CYP3A43: variants seen among roughly 807,000 people sequenced by gnomAD.
CYP3A43 encodes the protein cytochrome P450 family 3 subfamily A member 43.
Under a neutral mutation model 58.0 loss-of-function variants are expected in CYP3A43, and 45 were observed. The ratio of observed to expected loss-of-function variants is 0.78; its 90% confidence interval spans 0.61 to 0.99. CYP3A43 has a LOEUF of 0.99. Ranked by LOEUF, CYP3A43 falls within the 50% of genes least tolerant of loss-of-function variation. The pLI, the probability that CYP3A43 is intolerant of heterozygous loss-of-function variation, is 0.00. For synonymous variants in CYP3A43, 191 were observed against 201.4 expected (o/e 0.95, Z 0.44); for missense variants, 593 against 591.9 (o/e 1.00, Z -0.02).
At chr7:99,848,412 A>T (rs1817621410) in intron 6 of CYP3A43, among the ~76,000 whole-genome samples, 158 bp downstream of exon 6, 1 of 152,244 alleles carries the variant, frequency 6.6e-6, no homozygotes, top group African/African-American at 2.4e-5. Context: ...TGTTGCTCAC[A>T]AAAGAAAGCT....
intron 1 of CYP3A43, among the ~76,000 whole-genome samples, chr7:99,828,409 A>AAC (rs1373088399): frequency 6.6e-6 from 1 of 152,160 alleles, no homozygotes; most frequent in Non-Finnish European, 1.5e-5. Flanking sequence ...CACACCTGTA[A>AAC]TCTCAGCACT....
intron 3 of CYP3A43, chr7:99,839,376 T>C: frequency 1.4e-6 from 1 of 718,040 alleles, no homozygotes; most frequent in Non-Finnish European, 2.5e-6. Flanking sequence ...GGAAACTCCA[T>C]GCATATTCAG....
intron 4 of CYP3A43, among the ~76,000 whole-genome samples, chr7:99,847,191 A>G (rs1466205744): frequency 6.6e-6 from 1 of 152,080 alleles, no homozygotes; most frequent in African/African-American, 2.4e-5. Context: ...GTTCCCATCT[A>G]TTCTACTGGA....
intron 12 of CYP3A43, among the ~76,000 whole-genome samples, chr7:99,864,426 T>C (rs1356126096): frequency 6.7e-6 from 1 of 148,578 alleles, no homozygotes; most frequent in Non-Finnish European, 1.5e-5. Context: ...TCCTTCTCAT[T>C]ATGTTCCTAT....
chr7:99,853,637 A>G (rs1456040963), intron 7 of CYP3A43, among the ~76,000 whole-genome samples: 4 of 152,028 alleles, frequency 2.6e-5, no homozygotes, highest in Non-Finnish European at 4.4e-5. Flanking sequence ...GCTCACTGCA[A>G]CCTCCACCTC....
At chr7:99,844,312 G>T (rs1817459471) in intron 4 of CYP3A43, 70 bp downstream of exon 4, 32 of 1,484,268 alleles carry the variant, frequency 2.2e-5, no homozygotes, top group Non-Finnish European at 2.9e-5. Context: ...ATGGAAACTT[G>T]CCCAGAAAAT....
At chr7:99,863,999 G>T (rs1818349210) in intron 12 of CYP3A43, among the ~76,000 whole-genome samples, 1 of 148,556 alleles carries the variant, frequency 6.7e-6, no homozygotes, top group Admixed American at 6.6e-5. Context: ...TAAAGATGAG[G>T]AAGTCTTTTG....
At chr7:99,848,096 T>C in intron 5 of CYP3A43, 70 bp from the exon 6 acceptor site, 1 of 1,475,070 alleles carries the variant, frequency 6.8e-7, no homozygotes, top group South Asian at 1.2e-5. Context: ...TACTGTTCCA[T>C]GCTGGGCAAA....
Position 99,861,806 on chromosome 7 carries a change from A to T in CYP3A43, c.1220A>T (p.Tyr407Phe). The change falls in exon 11 of 13, where the codon TAC becomes TTC. Residue 407 changes from tyrosine (Y) to phenylalanine (F), a missense_variant. Coordinates refer to ENST00000354829, the MANE Select transcript of CYP3A43 (RefSeq NM_057095.3). The part of the protein sequence containing the change: ...PIYALHHDPK[Y>F]WTEPEKFCPE... Reference sequence around the variant, plus strand: ...TATGCTCTTCACCATGACCCAAAGTACTGGACAGAGCCTGAGAAGTTCTGC... The same window carrying T: ...TATGCTCTTCACCATGACCCAAAGTTCTGGACAGAGCCTGAGAAGTTCTGC... 1 of 1,614,178 alleles carries T rather than the reference A, an allele frequency of 6.2e-7. No homozygotes were observed. The highest frequency in any genetic ancestry group is 8.5e-7 in the Non-Finnish European group (1 of 1,179,988).
At chr7:99,856,791 CA>C (rs1200231146) in intron 8 of CYP3A43, 41 bp from the exon 9 acceptor site, 1 of 1,606,746 alleles carries the variant, frequency 6.2e-7, no homozygotes, top group African/African-American at 1.3e-5. Flanking sequence ...TCTGACTTCA[CA>C]AGTGACTTTC....
At position 99,856,817 on chromosome 7, in the gene CYP3A43, CT is replaced by C. The variant is rs1483954080; in HGVS notation, c.799-15del. ...AAGTGACTTTCTGTCATTAAAATTT[CT>C]CTTTTTGCTTCCAGCATCGAGTAGA... is the stretch of plus-strand genomic sequence containing the variant. On this transcript the variant is annotated splice_polypyrimidine_tract_variant and intron_variant, in intron 8 of 12. Transcript: ENST00000354829. The C allele has an allele frequency of 3.7e-6, 6 of 1,613,854 alleles. No homozygotes were observed. The highest frequency in any genetic ancestry group is 5.1e-6 in the Non-Finnish European group (6 of 1,179,928).
chr7:99,866,042 C>A lies in CYP3A43; in HGVS notation c.*41C>A. 1 of 1,289,408 alleles carries A rather than the reference C, an allele frequency of 7.8e-7. No individual in the cohort carries two copies. 79.9% of individuals were successfully genotyped at this position (1,289,408 alleles called of 1,614,324 possible). ...TCCACTTTGTTCAAGAAAGCTGTATCCCAGAACACTAGACACTTCAAATTG... is the reference window on the plus strand; with the variant it reads ...TCCACTTTGTTCAAGAAAGCTGTATACCAGAACACTAGACACTTCAAATTG... On this transcript the variant is annotated 3_prime_UTR_variant, in exon 13 of 13. Coordinates refer to ENST00000354829, the MANE Select transcript of CYP3A43 (RefSeq NM_057095.3).
At chr7:99,838,851 G>A (rs944373580) in intron 2 of CYP3A43, 1 of 538,014 alleles carries the variant, frequency 1.9e-6, no homozygotes, top group Non-Finnish European at 3.1e-6. Flanking sequence ...GTGGTGGCGG[G>A]CCCCCATAAT....
In CYP3A43 at chr7:99,828,540, A is replaced by G. The variant is rs191730217; in HGVS notation, c.71+354A>G. 9.9e-5 allele frequency among the ~76,000 whole-genome samples: 15 copies of G among 152,272 alleles called. No individual in the cohort carries two copies. The East Asian group carries it at 2.9e-3, about 29-fold the overall frequency. On this transcript the variant is annotated intron_variant, in intron 1 of 12. Transcript: ENST00000354829. ...GTCAGGCATGGTGGCACACACCTGT[A>G]ATCCCAGCTACTTGGGAGGCTGAGG... is the stretch of plus-strand genomic sequence containing the variant.
intron 3 of CYP3A43, 95 bp downstream of exon 3, chr7:99,839,267 T>G: frequency 6.9e-7 from 1 of 1,456,798 alleles, no homozygotes; most frequent in Non-Finnish European, 9.6e-7. Context: ...TTTGTTTGGA[T>G]AATGCTATTG....
Position 99,866,051 on chromosome 7 carries a change from C to A in CYP3A43, c.*50C>A. The A allele has an allele frequency of 8.7e-7, 1 of 1,145,248 alleles. No homozygotes were observed. The highest frequency in any genetic ancestry group is 1.3e-6 in the Non-Finnish European group (1 of 794,608). 70.9% of individuals were successfully genotyped at this position (1,145,248 alleles called of 1,614,324 possible). A position where few individuals can be genotyped will look rare whatever the true frequency, so the allele number is the denominator to read the frequency against. ...TTCAAGAAAGCTGTATCCCAGAACACTAGACACTTCAAATTGTTTTGTGAA... is the reference window on the plus strand; with the variant it reads ...TTCAAGAAAGCTGTATCCCAGAACAATAGACACTTCAAATTGTTTTGTGAA... On this transcript the variant is annotated 3_prime_UTR_variant, in exon 13 of 13. Coordinates refer to ENST00000354829, the MANE Select transcript of CYP3A43 (RefSeq NM_057095.3).
chr7:99,842,891 A>G lies in CYP3A43; in HGVS notation c.219-1252A>G, dbSNP rs557050691. 6.6e-5 allele frequency among the ~76,000 whole-genome samples: 10 copies of G among 152,230 alleles called. No homozygotes were observed. In the East Asian group the frequency reaches 1.9e-3, roughly 29 times the overall value. On this transcript the variant is annotated intron_variant, in intron 3 of 12. Transcript: ENST00000354829. ...TAGTATACATATCCTCCTTCCCCCCATGAACCAGCCCTTAAAACCAAGTTC... is the reference window on the plus strand; with the variant it reads ...TAGTATACATATCCTCCTTCCCCCCGTGAACCAGCCCTTAAAACCAAGTTC...
At position 99,861,801 on chromosome 7, in the gene CYP3A43, A is replaced by G. The variant is rs1393568286; in HGVS notation, c.1215A>G (p.Pro405=). Residue 405 remains proline (P), a synonymous_variant, in exon 11 of 13, where the codon CCA becomes CCG. Coordinates refer to ENST00000354829, the MANE Select transcript of CYP3A43 (RefSeq NM_057095.3). The stretch of plus-strand genomic sequence containing the variant: ...CAATCTATGCTCTTCACCATGACCC[A>G]AAGTACTGGACAGAGCCTGAGAAGT... ...MVPIYALHHD[P]KYWTEPEKFC... 6.2e-7 allele frequency: 1 copy of G among 1,614,100 alleles called. No individual in the cohort carries two copies. The highest frequency in any genetic ancestry group is 1.3e-5 in the African/African-American group (1 of 74,946).
At chr7:99,860,314 G>A (rs950823613) in intron 10 of CYP3A43, among the ~76,000 whole-genome samples, 19 of 152,188 alleles carry the variant, frequency 1.2e-4, no homozygotes, top group Non-Finnish European at 2.8e-4. Context: ...TGGATAGTGA[G>A]CTCTGCTGAT....
Sources: allele counts gnomAD v4.1 joint callset (sites outside exome capture counted in the v4.1 genomes callset), GRCh38; gene constraint gnomAD v4.1.1; transcripts MANE v1.5; gene names NCBI Gene and HGNC (gene_info 2026-07-23, HGNC 2026-07-21).